The following WDR27 variants were observed in gnomAD, a reference collection of about 807,000 sequenced individuals.
The protein encoded by WDR27 is WD repeat-containing protein 27.
Under a neutral mutation model 114.4 loss-of-function variants are expected in WDR27, and 100 were observed. That is an observed-to-expected ratio of 0.87 (90% CI 0.74 to 1.03). The LOEUF (loss-of-function observed/expected upper bound fraction) is 1.03. WDR27 is among the 50% of genes least tolerant of loss of function. The pLI is 0.00. For missense variants in WDR27, 1,129 were observed against 1,092.9 expected (o/e 1.03, Z -0.47); for synonymous variants, 449 against 423.1 (o/e 1.06, Z -0.75).
rs1784415946 is a variant in WDR27 at position 169,457,509 on chromosome 6, T to C, written c.*83A>G. ...AAAACAGTTGCTGCTTCTGGCCCCC[T>C]GATGGATGAACCACTACTTCTTACT... On this transcript the variant is annotated 3_prime_UTR_variant, in exon 26 of 26. Transcript: ENST00000448612. 1 of 1,246,736 alleles carries C rather than the reference T, an allele frequency of 8.0e-7. No individual in the cohort carries two copies. Among genetic ancestry groups the C allele is most frequent in the Non-Finnish European group, 1.1e-6 (1 of 910,638 alleles). 77.2% of individuals were successfully genotyped at this position (1,246,736 alleles called of 1,614,324 possible). A position where few individuals can be genotyped will look rare whatever the true frequency, so the allele number is the denominator to read the frequency against.
intron 2 of WDR27, among the ~76,000 whole-genome samples, chr6:169,686,935 A>G (rs1362736115): frequency 6.6e-6 from 1 of 152,182 alleles, no homozygotes. Context: ...GGAAACTTAA[A>G]AAGTGGATCT....
At chr6:169,518,470 C>T (rs1436619220) in intron 25 of WDR27, among the ~76,000 whole-genome samples, 2 of 152,230 alleles carry the variant, frequency 1.3e-5, no homozygotes. Flanking sequence ...ATGGCTTGTG[C>T]CCTCTTAAGT....
At chr6:169,637,663 AAT>A (rs1186067854) in intron 18 of WDR27, among the ~76,000 whole-genome samples, 1 of 149,058 alleles carries the variant, frequency 6.7e-6, no homozygotes, top group Non-Finnish European at 1.5e-5. Flanking sequence ...CATGTGTGTG[AAT>A]ATGTGGCAAG....
rs184452594 is a variant in WDR27, at chr6:169,637,555, T to C, written c.1869+984A>G. ...TGTGTGTGTGCCTATTGCATGTGTG[T>C]GAATATGTGGCAAGTATGTAAGCGT... On this transcript the variant is annotated intron_variant, in intron 18 of 25. Coordinates refer to ENST00000448612, the MANE Select transcript of WDR27 (RefSeq NM_182552.5). 2.5e-3 allele frequency among the ~76,000 whole-genome samples: 378 copies of C among 152,348 alleles called. 2 individuals carry two copies. The highest frequency in any genetic ancestry group is 0.02 in the Middle Eastern group (6 of 294).
the WDR27 span, among the ~76,000 whole-genome samples, chr6:169,435,949 T>G: frequency 5.3e-4 from 80 of 152,380 alleles, no homozygotes; most frequent in African/African-American, 1.9e-3. Context: ...ATCCAACTGT[T>G]TTCTCATACA....
At chr6:169,634,831 T>C (rs1817284816) in intron 19 of WDR27, among the ~76,000 whole-genome samples, 1 of 152,216 alleles carries the variant, frequency 6.6e-6, no homozygotes, top group Non-Finnish European at 1.5e-5. Context: ...TTTCCATGTA[T>C]GCTTAGAAAA....
intron 25 of WDR27, among the ~76,000 whole-genome samples, chr6:169,490,705 G>A (rs140150919): frequency 4.0e-3 from 612 of 152,266 alleles, no homozygotes; most frequent in African/African-American, 0.014. Flanking sequence ...CTACTGGCTG[G>A]GGTTTCCTTA....
intron 1 of WDR27, among the ~76,000 whole-genome samples, chr6:169,696,347 G>A (rs1412999106): frequency 2.0e-5 from 3 of 152,162 alleles, no homozygotes; most frequent in Non-Finnish European, 4.4e-5. Context: ...AGAAGTTAAG[G>A]TATGGGCAGT....
intron 25 of WDR27, among the ~76,000 whole-genome samples, chr6:169,508,345 G>A (rs1792284586): frequency 6.6e-6 from 1 of 152,222 alleles, no homozygotes; most frequent in South Asian, 2.1e-4. Flanking sequence ...CCAATTATTA[G>A]TTGATTAAAT....
intron 21 of WDR27, among the ~76,000 whole-genome samples, chr6:169,616,875 T>C (rs1185831302): frequency 6.6e-6 from 1 of 152,072 alleles, no homozygotes; most frequent in East Asian, 1.9e-4. Flanking sequence ...TCTAAAAGCA[T>C]ACATCTGAAG....
chr6:169,496,878 C>CAT (rs1790475014), intron 25 of WDR27, among the ~76,000 whole-genome samples: 1 of 152,090 alleles, frequency 6.6e-6, no homozygotes, highest in Non-Finnish European at 1.5e-5. Context: ...AAGTGCTCTA[C>CAT]AGATGCAATG....
intron 25 of WDR27, among the ~76,000 whole-genome samples, chr6:169,526,291 C>T (rs1456434509): frequency 6.6e-6 from 1 of 152,114 alleles, no homozygotes; most frequent in East Asian, 1.9e-4. Flanking sequence ...TTGGCTTTAG[C>T]AGATGATTCT....
chr6:169,624,168 G>A (rs574860474), intron 21 of WDR27, among the ~76,000 whole-genome samples: 42 of 151,206 alleles, frequency 2.8e-4, no homozygotes, highest in African/African-American at 6.3e-4. Context: ...GGTGTGTGGC[G>A]TCAGGTGTGC....
At chr6:169,501,642 G>A (rs1276391266) in intron 25 of WDR27, among the ~76,000 whole-genome samples, 1 of 152,200 alleles carries the variant, frequency 6.6e-6, no homozygotes, top group Admixed American at 6.5e-5. Context: ...TGTAGGACTC[G>A]CCTGCATGTT....
At chr6:169,598,653 C>G (rs1029419691) in intron 23 of WDR27, among the ~76,000 whole-genome samples, 8 of 152,178 alleles carry the variant, frequency 5.3e-5, no homozygotes, top group Non-Finnish European at 1.0e-4. Context: ...GGAAAGGCCA[C>G]TTGGAGATGG....
intron 25 of WDR27, among the ~76,000 whole-genome samples, chr6:169,496,671 C>T (rs939785168): frequency 2.0e-5 from 3 of 151,990 alleles, no homozygotes; most frequent in African/African-American, 7.2e-5. Context: ...AAGGAAGTTA[C>T]AAAAACAATT....
At position 169,701,544 on chromosome 6, in the gene WDR27, T is replaced by C. The variant is rs1788065618; in HGVS notation, c.-8+7A>G. On this transcript the variant is annotated splice_region_variant and intron_variant, in intron 1 of 25. Transcript: ENST00000448612. ...TTATACACAGCTGCTTTAATTAAAA[T>C]AACCACCTGAGCCCTTTTCCTCCGA... The C allele has an allele frequency of 1.3e-5, 2 of 157,426 alleles. No homozygotes were observed. Among genetic ancestry groups the C allele is most frequent in the Middle Eastern group, 3.2e-3 (1 of 308 alleles). The allele number at this position is 157,426 out of a possible 1,614,324, so 9.8% of individuals were successfully genotyped here.
chr6:169,693,892 G>C (rs1320595521), intron 1 of WDR27, among the ~76,000 whole-genome samples: 2 of 152,068 alleles, frequency 1.3e-5, no homozygotes, highest in Non-Finnish European at 2.9e-5. Flanking sequence ...AATAATACTG[G>C]GGAATTTCAA....
At chr6:169,451,154 G>A in the WDR27 span, among the ~76,000 whole-genome samples, 1 of 152,160 alleles carries the variant, frequency 6.6e-6, no homozygotes, top group African/African-American at 2.4e-5. Flanking sequence ...CCTCCGCCCT[G>A]TTGTTTCACC....
Sources: allele counts gnomAD v4.1 joint callset (sites outside exome capture counted in the v4.1 genomes callset), GRCh38; gene constraint gnomAD v4.1.1; transcripts MANE v1.5; gene names NCBI Gene and HGNC (gene_info 2026-07-23, HGNC 2026-07-21).